The following STK3 variants were observed in gnomAD, a reference collection of about 807,000 sequenced individuals.
STK3 encodes serine/threonine-protein kinase 3.
A neutral mutation model predicts 58.0 loss-of-function variants in STK3; 41 were observed. That is an observed-to-expected ratio of 0.71 (90% confidence interval 0.55 to 0.92). The LOEUF (loss-of-function observed/expected upper bound fraction) is 0.92, where lower values mean the gene tolerates loss of function less well. STK3 is among the 40% of genes least tolerant of loss of function. STK3 has a pLI of 0.00. For synonymous variants in STK3, 170 were observed against 191.0 expected (o/e 0.89, Z 0.91); for missense variants, 479 against 602.7 (o/e 0.79, Z 2.15).
intron 10 of STK3, among the ~76,000 whole-genome samples, chr8:98,518,190 T>C (rs1033435967): frequency 2.6e-5 from 4 of 152,108 alleles, no homozygotes; most frequent in African/African-American, 9.7e-5. Flanking sequence ...GTGCTTTCTA[T>C]CTTAATTAAT....
At chr8:98,481,637 G>T (rs1231291435) in intron 10 of STK3, among the ~76,000 whole-genome samples, 1 of 151,764 alleles carries the variant, frequency 6.6e-6, no homozygotes, top group Non-Finnish European at 1.5e-5. Flanking sequence ...ACACTATTCG[G>T]GTGATGGGTA....
chr8:98,692,164 T>C (rs1235458602), intron 6 of STK3, among the ~76,000 whole-genome samples: 1 of 152,096 alleles, frequency 6.6e-6, no homozygotes, highest in African/African-American at 2.4e-5. Flanking sequence ...CTGGAACTCT[T>C]GTACATTGGT....
chr8:98,799,418 G>T (rs1179389592), intron 1 of STK3, among the ~76,000 whole-genome samples: 1 of 151,894 alleles, frequency 6.6e-6, no homozygotes, highest in African/African-American at 2.4e-5. Context: ...GAAAAAGAGG[G>T]AGTCACAGAG....
chr8:98,899,737 C>T (rs1164695619), intron 1 of STK3, among the ~76,000 whole-genome samples: 1 of 152,094 alleles, frequency 6.6e-6, no homozygotes, highest in African/African-American at 2.4e-5. Flanking sequence ...TTTACAAGAA[C>T]CCTGGGAGGT....
At chr8:98,467,584 G>T (rs1190285776) in intron 10 of STK3, among the ~76,000 whole-genome samples, 9 of 149,454 alleles carry the variant, frequency 6.0e-5, no homozygotes, top group African/African-American at 2.2e-4. Context: ...GTGGCATCAA[G>T]TTGGTAAATT....
intron 1 of STK3, among the ~76,000 whole-genome samples, chr8:98,904,438 A>G (rs1444081551): frequency 6.6e-6 from 1 of 152,194 alleles, no homozygotes; most frequent in Non-Finnish European, 1.5e-5. Context: ...AACTTAGAAG[A>G]ATTAAATTAA....
At chr8:98,850,314 C>T (rs1012383561) in intron 3 of STK3, among the ~76,000 whole-genome samples, 1 of 152,304 alleles carries the variant, frequency 6.6e-6, no homozygotes, top group South Asian at 2.1e-4. Context: ...GCTGGGACTA[C>T]AGTCAACATG....
At chr8:98,630,491 A>C (rs965222857) in intron 6 of STK3, among the ~76,000 whole-genome samples, 16 of 152,046 alleles carry the variant, frequency 1.1e-4, no homozygotes, top group Admixed American at 7.2e-4. Flanking sequence ...AAAAATTTTA[A>C]AAATTAGCAG....
intron 10 of STK3, among the ~76,000 whole-genome samples, chr8:98,466,787 C>T (rs1274817941): frequency 6.6e-6 from 1 of 152,116 alleles, no homozygotes; most frequent in Non-Finnish European, 1.5e-5. Context: ...TGCCCAACAT[C>T]TTTTCTGAGT....
intron 3 of STK3, among the ~76,000 whole-genome samples, chr8:98,394,653 T>G (rs1229664442): frequency 6.6e-6 from 1 of 152,242 alleles, no homozygotes; most frequent in Non-Finnish European, 1.5e-5. Flanking sequence ...TTATTTCCAA[T>G]TCTTTGGGGA....
chr8:98,481,719 T>C (rs1821866333), intron 10 of STK3, among the ~76,000 whole-genome samples: 1 of 145,602 alleles, frequency 6.9e-6, no homozygotes, highest in African/African-American at 2.6e-5. Flanking sequence ...CCTAAAGCTA[T>C]TGAAAAAAAA....
At chr8:98,413,868 G>T (rs768871479) in intron 3 of STK3, 6 of 501,496 alleles carry the variant, frequency 1.2e-5, no homozygotes, top group Admixed American at 3.1e-5. Flanking sequence ...TGTGTCAAGA[G>T]GGAGTTTTCG....
At chr8:98,675,834 AGCTTGGGT>A (rs2130866989) in intron 6 of STK3, among the ~76,000 whole-genome samples, 1 of 152,144 alleles carries the variant, frequency 6.6e-6, no homozygotes, top group African/African-American at 2.4e-5. Context: ...ACTGCATTCC[AGCTTGGGT>A]GACAGAGCGA....
chr8:98,810,071 T>C (rs1834120102), intron 1 of STK3, among the ~76,000 whole-genome samples: 1 of 151,828 alleles, frequency 6.6e-6, no homozygotes. Flanking sequence ...GAGAGAGAGA[T>C]GGGGAGGTGC....
At chr8:98,641,450 T>A (rs1009680114) in intron 6 of STK3, among the ~76,000 whole-genome samples, 3 of 152,226 alleles carry the variant, frequency 2.0e-5, no homozygotes, top group Non-Finnish European at 2.9e-5. Flanking sequence ...AAGACTTTTA[T>A]CTTTGGCATA....
At chr8:98,373,946 TCTC>T (rs1817642825) in intron 2 of STK3, among the ~76,000 whole-genome samples, 13 of 152,130 alleles carry the variant, frequency 8.5e-5, no homozygotes, top group Admixed American at 8.5e-4. Flanking sequence ...TACCACACTG[TCTC>T]CTCCCATTGC....
chr8:98,691,985 T>C (rs912315161), intron 6 of STK3, among the ~76,000 whole-genome samples: 1 of 148,710 alleles, frequency 6.7e-6, no homozygotes, highest in Non-Finnish European at 1.5e-5. Context: ...CCAAAAGATA[T>C]ACATAATGGA....
chr8:98,798,843 G>A (rs1378832939), intron 1 of STK3, among the ~76,000 whole-genome samples: 1 of 152,198 alleles, frequency 6.6e-6, no homozygotes, highest in African/African-American at 2.4e-5. Flanking sequence ...ATTAGGTCAT[G>A]AGGGCTCCTC....
At chr8:98,421,507 C>T (rs751922496) in intron 3 of STK3, among the ~76,000 whole-genome samples, 20 of 152,168 alleles carry the variant, frequency 1.3e-4, no homozygotes, top group Non-Finnish European at 2.6e-4. Flanking sequence ...GGTGCAGTGG[C>T]TCATGCTTAT....
Sources: gnomAD v4.1 joint callset for allele counts (sites outside exome capture counted in the v4.1 genomes callset) on GRCh38, gnomAD v4.1.1 for gene constraint, MANE v1.5 for transcripts, NCBI Gene and HGNC (gene_info 2026-07-23, HGNC 2026-07-21) for gene names.